The following ARHGAP18 variants were observed in gnomAD, a reference collection of about 807,000 sequenced individuals.
ARHGAP18 encodes rho GTPase-activating protein 18.
In ARHGAP18, 67 loss-of-function variants were observed where a neutral mutation model predicts 86.2. The ratio of observed to expected loss-of-function variants is 0.78; its 90% CI spans 0.64 to 0.95. ARHGAP18 has a LOEUF of 0.95. ARHGAP18 is among the 40% of genes least tolerant of loss of function. The probability of loss-of-function intolerance (pLI) is 0.00; values close to 1 mark genes in which losing one functional copy is unlikely to be tolerated. For synonymous variants in ARHGAP18, 283 were observed against 280.4 expected, an observed-to-expected ratio of 1.01 and a Z score of -0.09; for missense variants, 691 against 780.4, an observed-to-expected ratio of 0.89 and a Z score of 1.37.
At chr6:129,592,228 T>C (rs978524726) in intron 12 of ARHGAP18, among the ~76,000 whole-genome samples, 11 of 152,256 alleles carry the variant, frequency 7.2e-5, no homozygotes, top group African/African-American at 2.7e-4. Context: ...CCAGCCACTA[T>C]TTCCAGACCT....
At chr6:129,642,888 A>G (rs1320886716) in intron 1 of ARHGAP18, among the ~76,000 whole-genome samples, 1 of 152,152 alleles carries the variant, frequency 6.6e-6, no homozygotes, top group African/African-American at 2.4e-5. Flanking sequence ...CATGATTTAT[A>G]TGTATTAAAA....
At chr6:129,697,079 C>A (rs1774630398) in intron 1 of ARHGAP18, among the ~76,000 whole-genome samples, 1 of 152,174 alleles carries the variant, frequency 6.6e-6, no homozygotes, top group Admixed American at 6.5e-5. Context: ...TTCTCGAAAT[C>A]CTCGCTCTGG....
At chr6:129,655,235 C>T (rs191546056) in intron 1 of ARHGAP18, among the ~76,000 whole-genome samples, 591 of 144,702 alleles carry the variant, frequency 4.1e-3, no homozygotes, top group Non-Finnish European at 6.0e-3. Context: ...AGGAGAATTG[C>T]TTGAACCTGG....
rs999435017 is a variant in ARHGAP18, at chr6:129,596,153, T to C, written c.1713+3063A>G. Reference sequence around the variant, plus strand: ...TTCAAGCCTTTGCTTCAAACCCCCATTTCACTCAGAGTAAATCCAAATTTC... The same window carrying C: ...TTCAAGCCTTTGCTTCAAACCCCCACTTCACTCAGAGTAAATCCAAATTTC... On this transcript the variant is annotated intron_variant, in intron 12 of 14. Transcript: ENST00000368149. Among the ~76,000 whole-genome samples, 4 of 152,242 alleles carry C rather than the reference T, an allele frequency of 2.6e-5. No individual in the cohort carries two copies. In the East Asian group the frequency reaches 5.8e-4, roughly 22 times the overall value.
chr6:129,587,514 T>C (rs1788419259), intron 12 of ARHGAP18, among the ~76,000 whole-genome samples: 1 of 151,882 alleles, frequency 6.6e-6, no homozygotes, highest in African/African-American at 2.4e-5. Flanking sequence ...AGAAAAGAGG[T>C]TTAATTGATT....
At chr6:129,646,343 T>C (rs1361429897) in intron 1 of ARHGAP18, among the ~76,000 whole-genome samples, 2 of 152,180 alleles carry the variant, frequency 1.3e-5, no homozygotes, top group Admixed American at 6.5e-5. Flanking sequence ...TAGGTAACCA[T>C]GAAAAAGGTC....
intron 1 of ARHGAP18, among the ~76,000 whole-genome samples, chr6:129,670,529 G>A (rs1190862889): frequency 2.0e-5 from 3 of 152,154 alleles, no homozygotes; most frequent in Admixed American, 1.3e-4. Context: ...ACCGAGGATG[G>A]AGGGTGGTAC....
At chr6:129,667,661 C>T (rs956413335) in intron 1 of ARHGAP18, among the ~76,000 whole-genome samples, 2 of 151,608 alleles carry the variant, frequency 1.3e-5, no homozygotes, top group Non-Finnish European at 2.9e-5. Flanking sequence ...TTGGCTATTC[C>T]CTTCAGGTCA....
intron 1 of ARHGAP18, among the ~76,000 whole-genome samples, chr6:129,684,983 C>A (rs1774401322): frequency 6.6e-6 from 1 of 152,090 alleles, no homozygotes; most frequent in Non-Finnish European, 1.5e-5. Context: ...ATCCAATATG[C>A]AAGGTCACTG....
intron 1 of ARHGAP18, among the ~76,000 whole-genome samples, chr6:129,695,404 T>C (rs1360229480): frequency 1.3e-5 from 2 of 152,158 alleles, no homozygotes; most frequent in Non-Finnish European, 2.9e-5. Flanking sequence ...CTAAACCCAA[T>C]TTATGGAAGA....
chr6:129,616,977 C>G (rs1789112104), intron 6 of ARHGAP18, among the ~76,000 whole-genome samples: 1 of 152,106 alleles, frequency 6.6e-6, no homozygotes, highest in African/African-American at 2.4e-5. Context: ...AAGCAAATAT[C>G]ATTCATCTTT....
chr6:129,643,804 T>C (rs1260226593), intron 1 of ARHGAP18, among the ~76,000 whole-genome samples: 2 of 152,266 alleles, frequency 1.3e-5, no homozygotes, highest in East Asian at 3.9e-4. Flanking sequence ...TTTCCCAAAA[T>C]TGTTTAAAAT....
chr6:129,614,906 A>G (rs1394404778), intron 7 of ARHGAP18, among the ~76,000 whole-genome samples: 1 of 152,212 alleles, frequency 6.6e-6, no homozygotes, highest in Non-Finnish European at 1.5e-5. Flanking sequence ...GACTGCAACA[A>G]AGAAACACTG....
intron 1 of ARHGAP18, among the ~76,000 whole-genome samples, chr6:129,695,935 A>G (rs1774609426): frequency 6.6e-6 from 1 of 152,196 alleles, no homozygotes; most frequent in African/African-American, 2.4e-5. Context: ...AAGTGTGGCA[A>G]AAAGCAAATA....
intron 1 of ARHGAP18, among the ~76,000 whole-genome samples, chr6:129,655,547 A>C (rs1298406662): frequency 1.3e-5 from 2 of 152,068 alleles, no homozygotes; most frequent in African/African-American, 4.8e-5. Context: ...AGAAAGATCA[A>C]GGTTGTCAGA....
At chr6:129,659,989 G>A (rs1307747931) in intron 1 of ARHGAP18, among the ~76,000 whole-genome samples, 1 of 152,124 alleles carries the variant, frequency 6.6e-6, no homozygotes, top group Non-Finnish European at 1.5e-5. Flanking sequence ...TGGACAGTGG[G>A]TTTAGAGAAC....
chr6:129,642,095 A>G, intron 1 of ARHGAP18, 77 bp from the exon 2 acceptor site: 1 of 1,334,482 alleles, frequency 7.5e-7, no homozygotes, highest in Non-Finnish European at 1.1e-6. Flanking sequence ...CACAGCAACA[A>G]GCTGGAGAAT....
chr6:129,610,927 T>C (rs1788965681), intron 8 of ARHGAP18, among the ~76,000 whole-genome samples: 1 of 151,882 alleles, frequency 6.6e-6, no homozygotes, highest in Non-Finnish European at 1.5e-5. Flanking sequence ...AGGGTCTTAT[T>C]GCTCTGTCAC....
At chr6:129,592,992 T>A (rs1055860407) in intron 12 of ARHGAP18, among the ~76,000 whole-genome samples, 2 of 152,110 alleles carry the variant, frequency 1.3e-5, no homozygotes, top group African/African-American at 4.8e-5. Flanking sequence ...TTAAAAAGTT[T>A]CATGATAAAA....
Sources: gnomAD v4.1 joint callset for allele counts (sites outside exome capture counted in the v4.1 genomes callset) on GRCh38, gnomAD v4.1.1 for gene constraint, MANE v1.5 for transcripts, NCBI Gene and HGNC (gene_info 2026-07-23, HGNC 2026-07-21) for gene names.